The following MYLK variants were observed in gnomAD, a reference collection of about 807,000 sequenced individuals.
The protein encoded by MYLK is myosin light chain kinase.
Under a neutral mutation model 203.4 loss-of-function variants are expected in MYLK, and 106 were observed. The observed-to-expected ratio is 0.52, with a 90% CI of 0.45 to 0.61. The LOEUF (loss-of-function observed/expected upper bound fraction) is 0.61. Among genes scored for constraint, MYLK ranks in the 20% least tolerant of loss-of-function variants. The pLI, the probability that MYLK is intolerant of heterozygous loss-of-function variation, is 0.00. For synonymous variants in MYLK, 867 were observed against 959.5 expected (o/e 0.90, Z 1.78); for missense variants, 2,072 against 2,442.3 (o/e 0.85, Z 3.20).
At chr3:123,673,273 A>G (rs1291893629) in intron 20 of MYLK, among the ~76,000 whole-genome samples, 1 of 149,130 alleles carries the variant, frequency 6.7e-6, no homozygotes, top group East Asian at 2.0e-4. Context: ...AGTGATCCTC[A>G]TCTCAGCACC....
At chr3:123,827,694 CATATATATAT>C (rs3052386) in intron 3 of MYLK, among the ~76,000 whole-genome samples, 564 of 24,214 alleles carry the variant, frequency 0.023, 9 homozygotes, top group Middle Eastern at 0.042. Flanking sequence ...TGAAAAACAC[CATATATATAT>C]ATATATATAT....
intron 2 of MYLK, among the ~76,000 whole-genome samples, chr3:123,855,691 A>T (rs1174488368): frequency 6.6e-6 from 1 of 152,144 alleles, no homozygotes; most frequent in Admixed American, 6.6e-5. Context: ...TAAAATTTTT[A>T]AAAAGGAGAA....
rs1042557608 is a variant in MYLK, at chr3:123,642,475, G to GAC, written c.4620-1973_4620-1972dup. 7.2e-5 allele frequency among the ~76,000 whole-genome samples: 11 copies of GAC among 152,166 alleles called. No individual in the cohort carries two copies. The highest frequency in any genetic ancestry group is 2.4e-4 in the African/African-American group (10 of 41,454). On this transcript the variant is annotated intron_variant, in intron 27 of 33. Transcript: ENST00000360304. The surrounding 1 kb of genome is among the most constrained non-coding windows in gnomAD (Gnocchi z 4.2). Reference sequence around the variant, plus strand: ...CAGCATACCACAGCCTCTGCCACGTGACACACACACTCACTTCTGGAAGGG... The same window carrying GAC: ...CAGCATACCACAGCCTCTGCCACGTGACACACACACACTCACTTCTGGAAGGG...
chr3:123,797,013 T>C (rs2065011183), intron 3 of MYLK, among the ~76,000 whole-genome samples: 1 of 152,166 alleles, frequency 6.6e-6, no homozygotes, highest in Admixed American at 6.5e-5. Context: ...TTTTAAAAAA[T>C]CCAACAGTGA....
At chr3:123,832,168 A>C (rs545651257) in intron 2 of MYLK, among the ~76,000 whole-genome samples, 12 of 152,190 alleles carry the variant, frequency 7.9e-5, no homozygotes, top group Non-Finnish European at 1.8e-4. Flanking sequence ...GTGCTTCTAG[A>C]GGAGTGTCTC....
intron 4 of MYLK, among the ~76,000 whole-genome samples, chr3:123,791,812 G>A (rs952900081): frequency 6.6e-6 from 1 of 152,206 alleles, no homozygotes; most frequent in Non-Finnish European, 1.5e-5. Flanking sequence ...TGACTAAATT[G>A]TTCACATTAA....
At chr3:123,636,911 A>G (rs55779494) in intron 29 of MYLK, among the ~76,000 whole-genome samples, 12,895 of 152,224 alleles carry the variant, frequency 0.085, 1,737 homozygotes, top group African/African-American at 0.29. Context: ...TATAGTGAGT[A>G]AAGTTCCTGA....
chr3:123,663,892 C>T (rs764431112), intron 23 of MYLK, among the ~76,000 whole-genome samples: 4 of 152,170 alleles, frequency 2.6e-5, no homozygotes, highest in Non-Finnish European at 4.4e-5. Context: ...GATTTCTGCC[C>T]AGCCTTGGCC....
At chr3:123,614,842 T>TATCA (rs370302207) in intron 33 of MYLK, among the ~76,000 whole-genome samples, 121 of 152,016 alleles carry the variant, frequency 8.0e-4, no homozygotes, top group African/African-American at 2.8e-3. Context: ...GGTCTCATTC[T>TATCA]ATCACCTAGG....
Position 123,717,906 on chromosome 3 carries a change from A to G in MYLK, c.1804+4222T>C, listed in dbSNP as rs533426980. 7.4e-5 allele frequency among the ~76,000 whole-genome samples: 10 copies of G among 135,170 alleles called. No individual in the cohort carries two copies. The South Asian group carries it at 2.1e-3, about 28-fold the overall frequency. 88.7% of individuals were successfully genotyped at this position (135,170 alleles called of 152,430 possible). ...GGTCTTGCTCTGTCATCCAGGCTGG[A>G]GTCCAGTGGTGTGATTACGGCTCAC... On this transcript the variant is annotated intron_variant, in intron 13 of 33. Coordinates refer to ENST00000360304, the MANE Select transcript of MYLK (RefSeq NM_053025.4).
At chr3:123,632,355 G>A (rs1304569626) in intron 29 of MYLK, among the ~76,000 whole-genome samples, 1 of 152,176 alleles carries the variant, frequency 6.6e-6, no homozygotes, top group East Asian at 1.9e-4. Context: ...CAGAGAGGGG[G>A]GAAGTCCGGC....
rs564501237 is a variant in MYLK, at chr3:123,806,516, G to A, written c.-3-12672C>T. On this transcript the variant is annotated intron_variant, in intron 3 of 33. Transcript: ENST00000360304. ...ACATTGATTGAGACTAGCTTGTGGA[G>A]GGCCTAGAGGATGGTGATACTTAGC... Among the ~76,000 whole-genome samples, 4 of 152,296 alleles carry A rather than the reference G, an allele frequency of 2.6e-5. No homozygotes were observed. The South Asian group carries it at 8.3e-4, about 32-fold the overall frequency.
chr3:123,783,229 A>G (rs1308371187), intron 4 of MYLK, among the ~76,000 whole-genome samples: 2 of 152,206 alleles, frequency 1.3e-5, no homozygotes, highest in South Asian at 2.1e-4. Flanking sequence ...AGGCACATCA[A>G]CAGTTTTATT....
intron 11 of MYLK, among the ~76,000 whole-genome samples, chr3:123,728,964 C>T (rs1445428930): frequency 6.6e-6 from 1 of 152,128 alleles, no homozygotes; most frequent in African/African-American, 2.4e-5. Context: ...ACAGCAATAT[C>T]ATTCGGAGCT....
At chr3:123,759,812 C>A (rs2063477808) in intron 4 of MYLK, among the ~76,000 whole-genome samples, 2 of 152,222 alleles carry the variant, frequency 1.3e-5, no homozygotes, top group Admixed American at 1.3e-4. Context: ...TATCTATTTT[C>A]TTGCCTCCTC....
chr3:123,630,239 G>C (rs1266422909), intron 29 of MYLK, among the ~76,000 whole-genome samples: 1 of 152,216 alleles, frequency 6.6e-6, no homozygotes, highest in Non-Finnish European at 1.5e-5. Context: ...GCAGAGGACA[G>C]AGTGCAGCCT....
chr3:123,826,781 A>G (rs1486265907), intron 3 of MYLK, among the ~76,000 whole-genome samples: 2 of 152,246 alleles, frequency 1.3e-5, no homozygotes, highest in Non-Finnish European at 2.9e-5. Flanking sequence ...CTTTCAGCCT[A>G]GGTCACTGAG....
intron 7 of MYLK, among the ~76,000 whole-genome samples, chr3:123,737,861 C>A (rs887202263): frequency 1.3e-5 from 2 of 152,150 alleles, no homozygotes; most frequent in African/African-American, 2.4e-5. Flanking sequence ...TCCTTTTATT[C>A]TTTTCCTAGG....
intron 2 of MYLK, among the ~76,000 whole-genome samples, chr3:123,849,671 G>A (rs2030496976): frequency 6.6e-6 from 1 of 152,170 alleles, no homozygotes; most frequent in Non-Finnish European, 1.5e-5. Flanking sequence ...GTGTTGGGTT[G>A]AGACAGAACA....
Sources: gnomAD v4.1 joint callset for allele counts (sites outside exome capture counted in the v4.1 genomes callset) on GRCh38, gnomAD v4.1.1 for gene constraint, Gnocchi (gnomAD v3.1) non-coding constraint, MANE v1.5 for transcripts, NCBI Gene and HGNC (gene_info 2026-07-23, HGNC 2026-07-21) for gene names.